The following INPP4B variants were observed in gnomAD, a reference collection of about 807,000 sequenced individuals.
INPP4B encodes the protein inositol polyphosphate 4-phosphatase type II.
In INPP4B, 55 loss-of-function variants were observed where a neutral mutation model predicts 122.5. The ratio of observed to expected loss-of-function variants is 0.45; its 90% CI spans 0.36 to 0.56. The LOEUF (loss-of-function observed/expected upper bound fraction) is 0.56. INPP4B is among the 20% of genes least tolerant of loss of function. INPP4B has a pLI of 0.00. For synonymous variants in INPP4B, 403 were observed against 388.7 expected (o/e 1.04, Z -0.43); for missense variants, 1,000 against 1,097.7 (o/e 0.91, Z 1.26).
At position 142,809,833 on chromosome 4, in the gene INPP4B, G is replaced by GA. The variant is rs925360127; in HGVS notation, c.-254+36375dup. Among the ~76,000 whole-genome samples the GA allele has an allele frequency of 5.9e-4, 86 of 146,262 alleles. 1 individual carries two copies. The highest frequency in any genetic ancestry group is 1.6e-3 in the African/African-American group (63 of 39,988). On this transcript the variant is annotated intron_variant, in intron 1 of 25. Coordinates refer to ENST00000262992, the MANE Select transcript of INPP4B (RefSeq NM_001101669.3). ...AAAAGGTTTGACTTTTCCTGTTTAA[G>GA]AAAAAAAAAAATCCACGGGATATTA...
chr4:142,564,723 G>C (rs1029896261), intron 2 of INPP4B, among the ~76,000 whole-genome samples: 3 of 151,966 alleles, frequency 2.0e-5, no homozygotes, highest in African/African-American at 7.2e-5. Flanking sequence ...AATATGGAAT[G>C]TTGGAGTATC....
At chr4:142,379,479 A>G (rs1793253569) in intron 7 of INPP4B, among the ~76,000 whole-genome samples, 1 of 152,162 alleles carries the variant, frequency 6.6e-6, no homozygotes. Context: ...GCCTTGGTAC[A>G]CATAACTTTT....
chr4:142,757,632 T>G (rs1193935904), intron 1 of INPP4B, among the ~76,000 whole-genome samples: 1 of 152,194 alleles, frequency 6.6e-6, no homozygotes, highest in Non-Finnish European at 1.5e-5. Flanking sequence ...TTCTTAGCAC[T>G]GAATAATTTT....
At chr4:142,838,310 AT>A (rs904062895) in intron 1 of INPP4B, among the ~76,000 whole-genome samples, 1 of 149,354 alleles carries the variant, frequency 6.7e-6, no homozygotes, top group Non-Finnish European at 1.5e-5. Context: ...TCTACTTCCC[AT>A]TTTTTTTTCA....
chr4:142,033,333 A>C (rs1741596945), intron 25 of INPP4B, among the ~76,000 whole-genome samples: 1 of 152,100 alleles, frequency 6.6e-6, no homozygotes, highest in Non-Finnish European at 1.5e-5. Flanking sequence ...TGCCAGCCAC[A>C]CCCTCTGGAC....
At chr4:142,384,323 A>G (rs1249198976) in intron 7 of INPP4B, among the ~76,000 whole-genome samples, 1 of 152,212 alleles carries the variant, frequency 6.6e-6, no homozygotes, top group Admixed American at 6.5e-5. Flanking sequence ...ACTCTGAGAA[A>G]TGCGTCATTA....
chr4:142,587,854 A>T (rs762719432), intron 2 of INPP4B, among the ~76,000 whole-genome samples: 4 of 152,060 alleles, frequency 2.6e-5, no homozygotes, highest in Non-Finnish European at 4.4e-5. Context: ...AATTACTTTA[A>T]TATAAAAACT....
intron 18 of INPP4B, among the ~76,000 whole-genome samples, chr4:142,138,048 AG>A (rs1805579489): frequency 6.6e-6 from 1 of 152,054 alleles, no homozygotes; most frequent in Non-Finnish European, 1.5e-5. Flanking sequence ...ATATACTCAA[AG>A]GACTATAAAT....
intron 2 of INPP4B, among the ~76,000 whole-genome samples, chr4:142,501,491 T>C (rs1286152550): frequency 6.6e-6 from 1 of 151,862 alleles, no homozygotes; most frequent in Non-Finnish European, 1.5e-5. Flanking sequence ...AAAAACAGTG[T>C]CTTAGAAGAT....
intron 2 of INPP4B, among the ~76,000 whole-genome samples, chr4:142,555,870 CAAA>C (rs554216004): frequency 8.0e-6 from 1 of 125,614 alleles, no homozygotes. Context: ...GACTCTGTCT[CAAA>C]AAAAAAAAAA....
chr4:142,257,098 C>T (rs1345860043), intron 11 of INPP4B, among the ~76,000 whole-genome samples: 1 of 152,034 alleles, frequency 6.6e-6, no homozygotes, highest in Non-Finnish European at 1.5e-5. Flanking sequence ...GAACCAAAGA[C>T]AAAAACCACA....
chr4:142,040,375 G>A (rs1056652530), intron 25 of INPP4B, among the ~76,000 whole-genome samples: 4 of 152,186 alleles, frequency 2.6e-5, no homozygotes, highest in Admixed American at 2.6e-4. Context: ...GTACCGTAAT[G>A]TATAGGAAAT....
intron 2 of INPP4B, among the ~76,000 whole-genome samples, chr4:142,620,741 G>C (rs975206114): frequency 1.3e-5 from 2 of 151,984 alleles, no homozygotes; most frequent in Admixed American, 6.6e-5. Flanking sequence ...TTTAGCAGCA[G>C]AGTCAAAAGA....
At chr4:142,564,993 G>T (rs1213500229) in intron 2 of INPP4B, among the ~76,000 whole-genome samples, 1 of 152,030 alleles carries the variant, frequency 6.6e-6, no homozygotes, top group Non-Finnish European at 1.5e-5. Context: ...TTTTGGATCA[G>T]GATCCAATCC....
chr4:142,519,329 A>T (rs571188210), intron 2 of INPP4B, among the ~76,000 whole-genome samples: 2 of 152,314 alleles, frequency 1.3e-5, no homozygotes, highest in Non-Finnish European at 2.9e-5. Context: ...TTTAATCTTC[A>T]TTAATATATA....
At chr4:142,299,811 C>CA (rs1760623570) in intron 9 of INPP4B, among the ~76,000 whole-genome samples, 1 of 151,748 alleles carries the variant, frequency 6.6e-6, no homozygotes, top group Admixed American at 6.6e-5. Context: ...ACCACCCCCC[C>CA]AAAAAACTGG....
rs1801930539 is a variant in INPP4B at position 142,132,693 on chromosome 4, T to C, written c.1721-7933A>G. On this transcript the variant is annotated intron_variant, in intron 18 of 25. Transcript: ENST00000262992. ...TCTCACCTACTTAAGAGTGTCACTCTAGCAATTCTCTCCCTTCCTCCCACA... is the reference window on the plus strand; with the variant it reads ...TCTCACCTACTTAAGAGTGTCACTCCAGCAATTCTCTCCCTTCCTCCCACA... 2.0e-5 allele frequency among the ~76,000 whole-genome samples: 3 copies of C among 152,180 alleles called. No homozygotes were observed. The South Asian group carries it at 6.2e-4, about 31-fold the overall frequency.
intron 12 of INPP4B, among the ~76,000 whole-genome samples, chr4:142,225,327 A>C (rs1027275328): frequency 3.9e-5 from 6 of 152,032 alleles, no homozygotes; most frequent in Admixed American, 3.9e-4. Context: ...CTGCACTATT[A>C]TCTCTCCTAC....
intron 1 of INPP4B, chr4:142,765,813 T>C (rs1349344046): frequency 6.6e-6 from 1 of 151,130 alleles, no homozygotes; most frequent in African/African-American, 2.4e-5. Flanking sequence ...TCATAAAACT[T>C]GTGCAAGAAA....
Sources: gnomAD v4.1 joint callset for allele counts (sites outside exome capture counted in the v4.1 genomes callset) on GRCh38, gnomAD v4.1.1 for gene constraint, MANE v1.5 for transcripts, NCBI Gene and HGNC (gene_info 2026-07-23, HGNC 2026-07-21) for gene names.